The following CEACAM16 variants were observed in gnomAD, a reference collection of about 807,000 sequenced individuals.
The protein encoded by CEACAM16 is cell adhesion molecule CEACAM16.
A neutral mutation model predicts 39.4 loss-of-function variants in CEACAM16; 30 were observed. The observed-to-expected ratio is 0.76, with a 90% CI of 0.57 to 1.03. CEACAM16 has a LOEUF of 1.03. Ranked by LOEUF, CEACAM16 falls within the 50% of genes least tolerant of loss-of-function variation. CEACAM16 has a pLI of 0.00. For synonymous variants in CEACAM16, 262 were observed against 264.9 expected, an observed-to-expected ratio of 0.99 and a Z score of 0.11; for missense variants, 521 against 585.3, an observed-to-expected ratio of 0.89 and a Z score of 1.13.
In CEACAM16 at chr19:44,703,516, A is replaced by G; in HGVS notation, c.205A>G (p.Ile69Val). 6.2e-7 allele frequency: 1 copy of G among 1,613,686 alleles called. No homozygotes were observed. The highest frequency in any genetic ancestry group is 8.5e-7 in the Non-Finnish European group (1 of 1,179,874). ...CGTGTCATACCTGGTGGCCAGCTAC[A>G]TCGTGAGCACAGGCGATGAGACTCC... ...LSVSYLVASYIVSTGDETPGP... is the reference protein window; with the variant it reads ...LSVSYLVASYVVSTGDETPGP... The change falls in exon 3 of 7, where the codon ATC becomes GTC. Residue 69 changes from isoleucine to valine, a missense_variant. Transcript: ENST00000587331.
rs772007995 is a variant in CEACAM16 at position 44,704,122 on chromosome 19, C to A, written c.487C>A (p.Arg163Ser). Reference sequence around the variant, plus strand: ...CAGCCCCAGCCCCACCGCCGAGGTCCGCTGGTTCTTCAACGGTGGGGCCCT... The same window carrying A: ...CAGCCCCAGCCCCACCGCCGAGGTCAGCTGGTTCTTCAACGGTGGGGCCCT... ...CSSPSPTAEV[R>S]WFFNGGALPV... The change falls in exon 4 of 7, where the codon CGC becomes AGC. Residue 163 changes from arginine to serine, a missense_variant. Arg to Ser is a moderately radical substitution (Grantham distance 110). Transcript: ENST00000587331. 1.9e-6 allele frequency: 3 copies of A among 1,599,538 alleles called. No homozygotes were observed. Among genetic ancestry groups the A allele is most frequent in the African/African-American group, 1.3e-5 (1 of 74,484 alleles).
In CEACAM16 at chr19:44,705,708, C is replaced by T. The variant is rs375711025; in HGVS notation, c.780C>T (p.Pro260=). The T allele has an allele frequency of 1.6e-5, 26 of 1,613,802 alleles. No individual in the cohort carries two copies. In the Middle Eastern group the frequency reaches 6.6e-4, roughly 41 times the overall value. ...GCGTGTCCAGGTCCTGCCCAGAGCC[C>T]GAGTATGTGTGGACCTTCAACGGGC... ...LWCVSRSCPE[P]EYVWTFNGQA... The change falls in exon 5 of 7, where the codon CCC becomes CCT. Residue 260 remains proline (P), a synonymous_variant. Coordinates refer to ENST00000587331, the MANE Select transcript of CEACAM16 (RefSeq NM_001039213.4).
At chr19:44,699,904 C>CA (rs1413907944) in intron 1 of CEACAM16, among the ~76,000 whole-genome samples, 2 of 152,078 alleles carry the variant, frequency 1.3e-5, no homozygotes, top group African/African-American at 4.8e-5. Context: ...CGGCTCACTG[C>CA]AACCTCTACC....
In CEACAM16 at chr19:44,708,017, C is replaced by G. The variant is rs762367899; in HGVS notation, c.1097C>G (p.Pro366Arg). Residue 366 changes from proline to arginine, a missense_variant, in exon 6 of 7, where the codon CCG becomes CGG. Transcript: ENST00000587331. Reference protein sequence around the residue: ...SEPNRLLSQLPSGTWIAGPAH... With the variant: ...SEPNRLLSQLRSGTWIAGPAH... ...CCCAACCGGCTGCTCAGCCAGCTGC[C>G]GTCAGGAACCTGGATTGCAGGCCCC... 6.2e-7 allele frequency: 1 copy of G among 1,611,350 alleles called. No individual in the cohort carries two copies. The highest frequency in any genetic ancestry group is 8.5e-7 in the Non-Finnish European group (1 of 1,179,116).
chr19:44,704,609 G>T (rs747413566), intron 4 of CEACAM16, among the ~76,000 whole-genome samples: 1 of 152,170 alleles, frequency 6.6e-6, no homozygotes, highest in South Asian at 2.1e-4. Context: ...GCACATGCCT[G>T]TAGTCCCAGC....
At position 44,709,555 on chromosome 19, in the gene CEACAM16, G is replaced by A. The variant is rs957849303; in HGVS notation, c.1268-941G>A. Reference sequence around the variant, plus strand: ...TCAGACCGGGAGCTCCCAGAGTCAGGGTCTATGTCTCCTCCATCAGACCGG... The same window carrying A: ...TCAGACCGGGAGCTCCCAGAGTCAGAGTCTATGTCTCCTCCATCAGACCGG... On this transcript the variant is annotated intron_variant, in intron 6 of 6. Coordinates refer to ENST00000587331, the MANE Select transcript of CEACAM16 (RefSeq NM_001039213.4). Among the ~76,000 whole-genome samples, 12 of 104,636 alleles carry A rather than the reference G, an allele frequency of 1.1e-4. 1 individual carries two copies. Among genetic ancestry groups the A allele is most frequent in the Admixed American group, 5.1e-4 (5 of 9,784 alleles). The allele number at this position is 104,636 out of a possible 152,430, so 68.6% of individuals were successfully genotyped here. A position where few individuals can be genotyped will look rare whatever the true frequency, so the allele number is the denominator to read the frequency against.
Position 44,699,249 on chromosome 19 carries a change from G to A in CEACAM16, c.-108G>A, listed in dbSNP as rs1288765696. On this transcript the variant is annotated 5_prime_UTR_variant, in exon 1 of 7. Coordinates refer to ENST00000587331, the MANE Select transcript of CEACAM16 (RefSeq NM_001039213.4). Reference sequence around the variant, plus strand: ...GAGTGATTTACTGAGCATTTACTCTGCGCCAGTCGTGGTAAGTACTGTACT... The same window carrying A: ...GAGTGATTTACTGAGCATTTACTCTACGCCAGTCGTGGTAAGTACTGTACT... 1 of 534,200 alleles carries A rather than the reference G, an allele frequency of 1.9e-6. No homozygotes were observed. The highest frequency in any genetic ancestry group is 1.9e-5 in the African/African-American group (1 of 51,938). 33.1% of individuals were successfully genotyped at this position (534,200 alleles called of 1,614,324 possible). A position where few individuals can be genotyped will look rare whatever the true frequency, so the allele number is the denominator to read the frequency against.
At chr19:44,710,109 G>A (rs527708313) in intron 6 of CEACAM16, among the ~76,000 whole-genome samples, 5 of 152,290 alleles carry the variant, frequency 3.3e-5, no homozygotes, top group South Asian at 4.1e-4. Flanking sequence ...CCCTGAGTCC[G>A]GGATGGTGCC....
chr19:44,704,156 C>T lies in CEACAM16; in HGVS notation c.521C>T (p.Ala174Val). The T allele has an allele frequency of 6.3e-7, 1 of 1,588,840 alleles. No individual in the cohort carries two copies. The highest frequency in any genetic ancestry group is 8.6e-7 in the Non-Finnish European group (1 of 1,168,642). The change falls in exon 4 of 7, where the codon GCT (alanine) becomes GTT (valine). Residue 174 changes from alanine to valine, a missense_variant. Physicochemically the swap from Ala to Val is moderately conservative, Grantham distance 64 (BLOSUM62 0). Coordinates refer to ENST00000587331, the MANE Select transcript of CEACAM16 (RefSeq NM_001039213.4). ...TTCAACGGTGGGGCCCTGCCCGTCG[C>T]TCTCCGCCTGGGCCTGTCCCCTGAC... Reference protein sequence around the residue: ...WFFNGGALPVALRLGLSPDGR... With the variant: ...WFFNGGALPVVLRLGLSPDGR...
chr19:44,708,313 G>C, intron 6 of CEACAM16, 126 bp downstream of exon 6: 1 of 1,004,380 alleles, frequency 1.0e-6, no homozygotes, highest in Admixed American at 3.0e-5. Context: ...CCATCAGGCT[G>C]AAGGAAGCAG....
rs376207716 is a variant in CEACAM16 at position 44,705,747 on chromosome 19, C to G, written c.819C>G (p.Asn273Lys). The change falls in exon 5 of 7, where the codon AAC becomes AAG. Residue 273 changes from asparagine (N) to lysine (K), a missense_variant. Physicochemically the swap from Asn to Lys is moderately conservative, Grantham distance 94. Coordinates refer to ENST00000587331, the MANE Select transcript of CEACAM16 (RefSeq NM_001039213.4). The stretch of plus-strand genomic sequence containing the variant: ...CCTTCAACGGGCAGGCCCTAAAGAA[C>G]GGCCAAGACCACCTCAACATCAGCA... ...VWTFNGQALK[N>K]GQDHLNISSM... The G allele has an allele frequency of 6.2e-7, 1 of 1,614,022 alleles. No homozygotes were observed. The highest frequency in any genetic ancestry group is 8.5e-7 in the Non-Finnish European group (1 of 1,179,890).
chr19:44,704,432 TA>T (rs768043455), intron 4 of CEACAM16, 136 bp downstream of exon 4: 65 of 1,148,518 alleles, frequency 5.7e-5, no homozygotes, highest in Non-Finnish European at 7.5e-5. Context: ...GGACCCCTCT[TA>T]AAGTGCACTT....
Position 44,704,008 on chromosome 19 carries a change from G to T in CEACAM16, c.383-10G>T. On this transcript the variant is annotated splice_polypyrimidine_tract_variant and intron_variant, in intron 3 of 6. Coordinates refer to ENST00000587331, the MANE Select transcript of CEACAM16 (RefSeq NM_001039213.4). ...CCGGCCCCCTCCCCCTCTGTCTCTT[G>T]CCCCCACAGAGATCCTGGCCCAGCC... is the stretch of plus-strand genomic sequence containing the variant. The T allele has an allele frequency of 1.3e-6, 2 of 1,578,680 alleles. No individual in the cohort carries two copies. The highest frequency in any genetic ancestry group is 1.7e-6 in the Non-Finnish European group (2 of 1,157,344).
chr19:44,708,102 C>T lies in CEACAM16; in HGVS notation c.1182C>T (p.Asn394=). ...PNCSLLVQKL[N]LTDTGRYTLK... ...GCTCGCTGTTGGTGCAGAAGCTGAACCTCACAGACACTGGCCGCTACACAC... is the reference window on the plus strand; with the variant it reads ...GCTCGCTGTTGGTGCAGAAGCTGAATCTCACAGACACTGGCCGCTACACAC... Residue 394 remains asparagine, a synonymous_variant, in exon 6 of 7, where the codon AAC becomes AAT. Coordinates refer to ENST00000587331, the MANE Select transcript of CEACAM16 (RefSeq NM_001039213.4). 2 of 1,611,130 alleles carry T rather than the reference C, an allele frequency of 1.2e-6. No homozygotes were observed. The highest frequency in any genetic ancestry group is 8.5e-7 in the Non-Finnish European group (1 of 1,178,844).
chr19:44,706,211 A>G (rs1974445520), intron 5 of CEACAM16, among the ~76,000 whole-genome samples: 1 of 149,182 alleles, frequency 6.7e-6, no homozygotes, highest in Non-Finnish European at 1.5e-5. Context: ...CCACACAGAC[A>G]GCTGAAATTC....
At position 44,705,602 on chromosome 19, in the gene CEACAM16, G is replaced by A. The variant is rs147318053; in HGVS notation, c.674G>A (p.Arg225His). Residue 225 changes from arginine (R) to histidine (H), a missense_variant, in exon 5 of 7, where the codon CGT (arginine) becomes CAT (histidine). Transcript: ENST00000587331. Reference protein sequence around the residue: ...INLTVYFGPERVAILQDSTTR... With the variant: ...INLTVYFGPEHVAILQDSTTR... The stretch of plus-strand genomic sequence containing the variant: ...CCTGCCCCCACAGTTGGCCCAGAGC[G>A]TGTGGCCATCCTCCAGGATTCCACC... 106 of 1,602,714 alleles carry A rather than the reference G, an allele frequency of 6.6e-5. No individual in the cohort carries two copies. Among genetic ancestry groups the A allele is most frequent in the Admixed American group, 2.5e-4 (15 of 59,808 alleles).
intron 1 of CEACAM16, among the ~76,000 whole-genome samples, chr19:44,700,080 G>A (rs1049208629): frequency 6.6e-5 from 10 of 151,922 alleles, no homozygotes; most frequent in Non-Finnish European, 1.2e-4. Context: ...ATCTCAGCTC[G>A]CTGCAACCTC....
chr19:44,705,884 C>T lies in CEACAM16; in HGVS notation c.940+16C>T, dbSNP rs1178563264. 1.2e-6 allele frequency: 2 copies of T among 1,603,170 alleles called. No homozygotes were observed. Among genetic ancestry groups the T allele is most frequent in the Non-Finnish European group, 1.7e-6 (2 of 1,171,820 alleles). ...AAGCTCTCTGGTGAGTCACCCCCAG[C>T]CTGACCACCCCCCAGTCCCCATGGA... On this transcript the variant is annotated intron_variant, in intron 5 of 6. Coordinates refer to ENST00000587331, the MANE Select transcript of CEACAM16 (RefSeq NM_001039213.4).
In CEACAM16 at chr19:44,707,889, C is replaced by T. The variant is rs577004471; in HGVS notation, c.969C>T (p.Pro323=). ...CAGCAGTTGCCACGATGATCGTGCCCGTGCCCACCAAGCCAACGGAGGGCC... is the reference window on the plus strand; with the variant it reads ...CAGCAGTTGCCACGATGATCGTGCCTGTGCCCACCAAGCCAACGGAGGGCC... The part of the protein sequence containing the change: ...SAAAVATMIV[P]VPTKPTEGQD... The change falls in exon 6 of 7, where the codon CCC becomes CCT. Residue 323 remains proline (P), a synonymous_variant. Transcript: ENST00000587331. 78 of 1,560,730 alleles carry T rather than the reference C, an allele frequency of 5.0e-5. No individual in the cohort carries two copies. Among genetic ancestry groups the T allele is most frequent in the Non-Finnish European group, 6.0e-5 (69 of 1,144,738 alleles).
Sources: gnomAD v4.1 joint callset for allele counts (sites outside exome capture counted in the v4.1 genomes callset) on GRCh38, gnomAD v4.1.1 for gene constraint, MANE v1.5 for transcripts, NCBI Gene and HGNC (gene_info 2026-07-23, HGNC 2026-07-21) for gene names.